SMOC1: variants seen among roughly 807,000 people sequenced by gnomAD.
SMOC1 encodes SPARC related modular calcium binding 1, also known as SPARC-related modular calcium-binding protein 1.
A neutral mutation model predicts 56.3 loss-of-function variants in SMOC1; 22 were observed. That is an observed-to-expected ratio of 0.39 (90% CI 0.28 to 0.56). SMOC1 has a LOEUF of 0.56. SMOC1 is among the 20% of genes least tolerant of loss of function. SMOC1 has a pLI of 0.61. For missense variants in SMOC1, 509 were observed against 565.4 expected (o/e 0.90, Z 1.01); for synonymous variants, 193 against 215.0 (o/e 0.90, Z 0.89).
chr14:69,922,079 C>A (rs1162982194), intron 1 of SMOC1, among the ~76,000 whole-genome samples: 2 of 152,216 alleles, frequency 1.3e-5, no homozygotes, highest in Non-Finnish European at 2.9e-5. Context: ...CATTAGCTCA[C>A]TGAAGAGGCA....
chr14:69,923,160 T>C (rs1373621294), intron 1 of SMOC1, among the ~76,000 whole-genome samples: 6 of 152,076 alleles, frequency 3.9e-5, no homozygotes, highest in African/African-American at 9.6e-5. Flanking sequence ...TTAGCCAGGA[T>C]GGTCTCGATC....
chr14:70,021,193 C>T (rs79289252), intron 10 of SMOC1, among the ~76,000 whole-genome samples: 6,232 of 152,222 alleles, frequency 0.041, 401 homozygotes, highest in African/African-American at 0.13. Context: ...TGAGTTCCTT[C>T]CTTGGGGGCC....
Position 70,030,521 on chromosome 14 carries a change from C to T in SMOC1, c.*263C>T. ...TTATTGTAAGTTTTTGGATCTGCTA[C>T]TGACAACTTTTAGAGGGTTTTGGGG... On this transcript the variant is annotated 3_prime_UTR_variant, in exon 12 of 12. Coordinates refer to ENST00000361956, the MANE Select transcript of SMOC1 (RefSeq NM_001034852.3). 8 of 235,842 alleles carry T rather than the reference C, an allele frequency of 3.4e-5. No homozygotes were observed. The highest frequency in any genetic ancestry group is 1.8e-4 in the South Asian group (2 of 10,826). 14.6% of individuals were successfully genotyped at this position (235,842 alleles called of 1,614,324 possible). A position where few individuals can be genotyped will look rare whatever the true frequency, so the allele number is the denominator to read the frequency against.
At chr14:69,931,979 G>C (rs1306067299) in intron 1 of SMOC1, among the ~76,000 whole-genome samples, 1 of 152,220 alleles carries the variant, frequency 6.6e-6, no homozygotes, top group Non-Finnish European at 1.5e-5. Flanking sequence ...CGCGCAGGGA[G>C]CGGGGCACTG....
At chr14:69,895,173 G>A (rs1884060895) in intron 1 of SMOC1, among the ~76,000 whole-genome samples, 4 of 152,226 alleles carry the variant, frequency 2.6e-5, no homozygotes, top group Non-Finnish European at 5.9e-5. Flanking sequence ...GGTTGGGAAA[G>A]GTGACCAAAA....
intron 7 of SMOC1, among the ~76,000 whole-genome samples, chr14:70,009,577 C>T (rs1010234743): frequency 1.3e-5 from 2 of 151,958 alleles, no homozygotes; most frequent in African/African-American, 4.8e-5. Flanking sequence ...TCAGTGGGTG[C>T]CCAAGACTAC....
intron 1 of SMOC1, among the ~76,000 whole-genome samples, chr14:69,893,429 G>C (rs1884016383): frequency 6.6e-6 from 1 of 152,222 alleles, no homozygotes; most frequent in Non-Finnish European, 1.5e-5. Flanking sequence ...GGCTCTGTCA[G>C]TGGGGAGGCT....
At chr14:69,903,426 G>A (rs1008202321) in intron 1 of SMOC1, among the ~76,000 whole-genome samples, 2 of 152,204 alleles carry the variant, frequency 1.3e-5, no homozygotes, top group African/African-American at 2.4e-5. Flanking sequence ...CATTGAGAAC[G>A]GGCCATGATG....
Position 69,994,391 on chromosome 14 carries a change from C to T in SMOC1, c.584-9C>T, listed in dbSNP as rs1884687412. 1 of 1,611,614 alleles carries T rather than the reference C, an allele frequency of 6.2e-7. No individual in the cohort carries two copies. Among genetic ancestry groups the T allele is most frequent in the Non-Finnish European group, 8.5e-7 (1 of 1,177,736 alleles). ...CAGACTTTTTCTCTCTCCTTTTCCTCACCCCTAGAAATCACAGCCCCAACT... is the reference window on the plus strand; with the variant it reads ...CAGACTTTTTCTCTCTCCTTTTCCTTACCCCTAGAAATCACAGCCCCAACT... On this transcript the variant is annotated splice_polypyrimidine_tract_variant and intron_variant, in intron 6 of 11. Coordinates refer to ENST00000361956, the MANE Select transcript of SMOC1 (RefSeq NM_001034852.3).
intron 7 of SMOC1, among the ~76,000 whole-genome samples, chr14:70,005,148 T>G (rs79698799): frequency 6.6e-6 from 1 of 152,232 alleles, no homozygotes; most frequent in East Asian, 1.9e-4. Context: ...AATGTTTATG[T>G]TTTTTGGCCA....
intron 10 of SMOC1, among the ~76,000 whole-genome samples, chr14:70,019,548 C>T (rs1317892616): frequency 1.3e-5 from 2 of 152,162 alleles, no homozygotes; most frequent in Non-Finnish European, 2.9e-5. Flanking sequence ...GCAGTCCTGA[C>T]CTCCAGTGGA....
At chr14:69,943,118 T>C (rs768460486) in intron 1 of SMOC1, among the ~76,000 whole-genome samples, 37 of 152,170 alleles carry the variant, frequency 2.4e-4, no homozygotes, top group Non-Finnish European at 4.6e-4. Flanking sequence ...AGGCCTCTCC[T>C]GGCTAAAACA....
At chr14:70,013,178 G>A (rs1381352252) in intron 9 of SMOC1, among the ~76,000 whole-genome samples, 1 of 152,206 alleles carries the variant, frequency 6.6e-6, no homozygotes, top group Admixed American at 6.5e-5. Flanking sequence ...AAAATTGAAA[G>A]CATTATTTGG....
rs1412671958 is a variant in SMOC1 at position 70,020,858 on chromosome 14, G to A, written c.1047-2345G>A. On this transcript the variant is annotated intron_variant, in intron 10 of 11. Coordinates refer to ENST00000361956, the MANE Select transcript of SMOC1 (RefSeq NM_001034852.3). Reference sequence around the variant, plus strand: ...CTTGGAGGTTGTAAAGTCAGAAGAAGAACTGCTTCTTGCTGCAAAATAGCC... The same window carrying A: ...CTTGGAGGTTGTAAAGTCAGAAGAAAAACTGCTTCTTGCTGCAAAATAGCC... Among the ~76,000 whole-genome samples, 3 of 152,208 alleles carry A rather than the reference G, an allele frequency of 2.0e-5. No homozygotes were observed. The East Asian group carries it at 5.8e-4, about 29-fold the overall frequency.
chr14:69,970,445 C>T (rs2139487685), intron 3 of SMOC1, among the ~76,000 whole-genome samples: 1 of 152,270 alleles, frequency 6.6e-6, no homozygotes, highest in South Asian at 2.1e-4. Context: ...TTTATGATTG[C>T]TTGGATATTG....
intron 1 of SMOC1, chr14:69,885,660 T>C (rs879253384): frequency 2.2e-5 from 32 of 1,452,238 alleles, no homozygotes; most frequent in South Asian, 1.0e-4. Context: ...ATGGGATCCA[T>C]GTCGTGTGAA....
At chr14:69,952,605 C>T (rs1883045090) in intron 2 of SMOC1, among the ~76,000 whole-genome samples, 1 of 152,118 alleles carries the variant, frequency 6.6e-6, no homozygotes, top group African/African-American at 2.4e-5. Flanking sequence ...ATTGCTGGCT[C>T]CTGAATAGTG....
At chr14:69,958,813 T>C (rs73289085) in intron 3 of SMOC1, among the ~76,000 whole-genome samples, 12,691 of 152,222 alleles carry the variant, frequency 0.083, 1,225 homozygotes, top group African/African-American at 0.23. Context: ...TACTAGAAAA[T>C]TGCTTAAACA....
rs78857203 is a variant in SMOC1 at position 69,961,935 on chromosome 14, T to C, written c.378+8403T>C. Among the ~76,000 whole-genome samples, 211 of 152,314 alleles carry C rather than the reference T, an allele frequency of 1.4e-3. 2 individuals are homozygous for C. The highest frequency in any genetic ancestry group is 4.9e-3 in the African/African-American group (203 of 41,572). ...AACACTTGTTATTTTCCATCTTTCT[T>C]ATTAGTATCTTTTCTAGTGGGTGTG... is the stretch of plus-strand genomic sequence containing the variant. On this transcript the variant is annotated intron_variant, in intron 3 of 11. Transcript: ENST00000361956.
Sources: allele counts gnomAD v4.1 joint callset (sites outside exome capture counted in the v4.1 genomes callset), GRCh38; gene constraint gnomAD v4.1.1; transcripts MANE v1.5; gene names NCBI Gene and HGNC (gene_info 2026-07-23, HGNC 2026-07-21).